ITGA4: variants seen among roughly 807,000 people sequenced by gnomAD.
ITGA4 encodes integrin alpha-4.
In ITGA4, 63 loss-of-function variants were observed where a neutral mutation model predicts 133.6. The ratio of observed to expected loss-of-function variants is 0.47; its 90% CI spans 0.38 to 0.58. The LOEUF is 0.58. ITGA4 is among the 20% of genes least tolerant of loss of function. The pLI, the probability that ITGA4 is intolerant of heterozygous loss-of-function variation, is 0.00. For missense variants in ITGA4, 1,076 were observed against 1,252.7 expected, an observed-to-expected ratio of 0.86 and a Z score of 2.13; for synonymous variants, 483 against 438.0, an observed-to-expected ratio of 1.10 and a Z score of -1.28.
At chr2:181,518,229 C>G (rs980760880) in intron 17 of ITGA4, among the ~76,000 whole-genome samples, 2 of 152,062 alleles carry the variant, frequency 1.3e-5, no homozygotes, top group Admixed American at 1.3e-4. Context: ...ACTCCTCCAC[C>G]CTGCAGTGAT....
intron 10 of ITGA4, among the ~76,000 whole-genome samples, chr2:181,487,148 A>G (rs1685941015): frequency 6.6e-6 from 1 of 152,180 alleles, no homozygotes; most frequent in African/African-American, 2.4e-5. Flanking sequence ...ACTTTTGGTT[A>G]TTACGATTAC....
Position 181,485,862 on chromosome 2 carries a change from T to C in ITGA4, c.1042-19T>C. 1 of 1,572,522 alleles carries C rather than the reference T, an allele frequency of 6.4e-7. No individual in the cohort carries two copies. Among genetic ancestry groups the C allele is most frequent in the Non-Finnish European group, 8.7e-7 (1 of 1,153,000 alleles). ...CAGGGAGTGTTATAATGACACGTTTTCTCTCCCTTTCTATCTAGGGAGCAG... is the reference window on the plus strand; with the variant it reads ...CAGGGAGTGTTATAATGACACGTTTCCTCTCCCTTTCTATCTAGGGAGCAG... On this transcript the variant is annotated intron_variant, in intron 9 of 27. Coordinates refer to ENST00000397033, the MANE Select transcript of ITGA4 (RefSeq NM_000885.6).
rs201224078 is a variant in ITGA4 at position 181,481,590 on chromosome 2, T to C, written c.755-8T>C. ...CAGGACTCTCATACTTTCTCCCTTT[T>C]CTTAAAGGATATTCAGTCGGAGCTG... On this transcript the variant is annotated splice_region_variant and splice_polypyrimidine_tract_variant and intron_variant, in intron 6 of 27. Transcript: ENST00000397033. The C allele has an allele frequency of 6.4e-7, 1 of 1,553,580 alleles. No individual in the cohort carries two copies. The highest frequency in any genetic ancestry group is 2.3e-5 in the East Asian group (1 of 43,954).
chr2:181,497,159 T>A (rs1013268257), intron 14 of ITGA4, among the ~76,000 whole-genome samples: 1 of 152,166 alleles, frequency 6.6e-6, no homozygotes, highest in Non-Finnish European at 1.5e-5. Flanking sequence ...TGAAGGATAA[T>A]CTGAAAGACA....
chr2:181,482,655 T>G lies in ITGA4; in HGVS notation c.1041+4T>G. On this transcript the variant is annotated splice_donor_region_variant and intron_variant, in intron 9 of 27. Coordinates refer to ENST00000397033, the MANE Select transcript of ITGA4 (RefSeq NM_000885.6). ...TGTGTACATCAACTCTGGCTCGGTA[T>G]GTCCAAGTGCCCCAACTGGAAGCCA... The G allele has an allele frequency of 6.2e-7, 1 of 1,613,130 alleles. No individual in the cohort carries two copies. Among genetic ancestry groups the G allele is most frequent in the Non-Finnish European group, 8.5e-7 (1 of 1,179,336 alleles).
chr2:181,512,161 C>T (rs1472077473), intron 17 of ITGA4, among the ~76,000 whole-genome samples: 1 of 151,946 alleles, frequency 6.6e-6, no homozygotes, highest in Non-Finnish European at 1.5e-5. Flanking sequence ...ATATCTGGAT[C>T]CCCTATATTC....
chr2:181,492,322 A>G (rs964152912), intron 10 of ITGA4, among the ~76,000 whole-genome samples: 1 of 152,210 alleles, frequency 6.6e-6, no homozygotes, highest in Non-Finnish European at 1.5e-5. Context: ...CATTTTTAAA[A>G]TTTTACATTG....
chr2:181,518,711 C>T (rs1040144456), intron 17 of ITGA4, among the ~76,000 whole-genome samples: 6 of 152,080 alleles, frequency 3.9e-5, no homozygotes, highest in Non-Finnish European at 7.4e-5. Flanking sequence ...GCTTTATTTA[C>T]TAAAGTAGGC....
intron 15 of ITGA4, among the ~76,000 whole-genome samples, chr2:181,506,188 T>A (rs1297805058): frequency 1.3e-5 from 2 of 152,138 alleles, no homozygotes; most frequent in Non-Finnish European, 2.9e-5. Context: ...TTAATGTTGA[T>A]GGTTGGCAGT....
At chr2:181,494,673 T>C in intron 11 of ITGA4, 49 bp from the exon 12 acceptor site, 1 of 901,966 alleles carries the variant, frequency 1.1e-6, no homozygotes, top group Non-Finnish European at 1.9e-6. Flanking sequence ...GCTTCTCTGG[T>C]ATATTAGTAT....
intron 6 of ITGA4, among the ~76,000 whole-genome samples, chr2:181,480,666 G>A (rs1250153107): frequency 6.6e-6 from 1 of 152,086 alleles, no homozygotes; most frequent in African/African-American, 2.4e-5. Flanking sequence ...ATCTGCATAA[G>A]TAAGTATAGT....
intron 4 of ITGA4, chr2:181,476,068 G>T: frequency 2.2e-6 from 1 of 461,060 alleles, no homozygotes; most frequent in South Asian, 4.5e-5. Flanking sequence ...TTCAATTATG[G>T]GTGCTAATAA....
rs371264491 is a variant in ITGA4 at position 181,498,750 on chromosome 2, C to T, written c.1668C>T (p.Asn556=). Residue 556 remains asparagine (N), a synonymous_variant, in exon 15 of 28, where the codon AAC becomes AAT. Coordinates refer to ENST00000397033, the MANE Select transcript of ITGA4 (RefSeq NM_000885.6). Reference sequence around the variant, plus strand: ...TACAGGTGTCCAGCAGAGAAGCTAACTGTAGAACACATCAAGCATTTATGC... The same window carrying T: ...TACAGGTGTCCAGCAGAGAAGCTAATTGTAGAACACATCAAGCATTTATGC... ...GSIQVSSREA[N]CRTHQAFMRK... is the part of the protein sequence containing the mutation. The T allele has an allele frequency of 1.2e-5, 20 of 1,608,654 alleles. No individual in the cohort carries two copies. The African/African-American group carries it at 1.9e-4, about 15-fold the overall frequency.
At chr2:181,485,731 T>C (rs1685899581) in intron 9 of ITGA4, 150 bp from the exon 10 acceptor site, 1 of 585,164 alleles carries the variant, frequency 1.7e-6, no homozygotes, top group Non-Finnish European at 3.0e-6. Context: ...TTTATTGAAT[T>C]GAACTGAGAT....
Position 181,523,315 on chromosome 2 carries a change from A to G in ITGA4, c.2074-122A>G. On this transcript the variant is annotated intron_variant, in intron 18 of 27. Coordinates refer to ENST00000397033, the MANE Select transcript of ITGA4 (RefSeq NM_000885.6). The surrounding 1 kb of genome is among the most constrained non-coding windows in gnomAD (Gnocchi z 4.2). ...TATCTCAAACATATAAATAGAAAAT[A>G]GTTTTCCTAGAAAAGCAAATACTTC... The G allele has an allele frequency of 1.7e-6, 1 of 605,860 alleles. No individual in the cohort carries two copies. Among genetic ancestry groups the G allele is most frequent in the Non-Finnish European group, 3.0e-6 (1 of 337,976 alleles). 37.5% of individuals were successfully genotyped at this position (605,860 alleles called of 1,614,324 possible).
chr2:181,535,072 C>T (rs773177735), intron 27 of ITGA4, 137 bp downstream of exon 27: 5 of 898,978 alleles, frequency 5.6e-6, no homozygotes, highest in East Asian at 3.0e-5. Flanking sequence ...ACTGATCTCA[C>T]ATTTCTCTTC....
intron 25 of ITGA4, among the ~76,000 whole-genome samples, 183 bp downstream of exon 25, chr2:181,531,959 C>G (rs1173087195): frequency 6.6e-6 from 1 of 152,156 alleles, no homozygotes; most frequent in East Asian, 1.9e-4. Flanking sequence ...AGTGAAATGG[C>G]TTTAGAAATT....
At chr2:181,526,865 T>C (rs1293311846) in intron 21 of ITGA4, among the ~76,000 whole-genome samples, 2 of 135,396 alleles carry the variant, frequency 1.5e-5, no homozygotes, top group Admixed American at 8.2e-5. Flanking sequence ...AGAGTCTCGC[T>C]CTATTGCCCA....
intron 17 of ITGA4, among the ~76,000 whole-genome samples, chr2:181,521,802 C>CA (rs1477122607): frequency 2.6e-5 from 4 of 152,260 alleles, no homozygotes; most frequent in African/African-American, 9.6e-5. Flanking sequence ...GTTCAGGCAG[C>CA]AGCTAGTTCA....
Sources: allele counts gnomAD v4.1 joint callset (sites outside exome capture counted in the v4.1 genomes callset), GRCh38; gene constraint gnomAD v4.1.1; non-coding constraint Gnocchi (gnomAD v3.1); transcripts MANE v1.5; gene names NCBI Gene and HGNC (gene_info 2026-07-23, HGNC 2026-07-21).